POU2F1: variants seen among roughly 807,000 people sequenced by gnomAD.
The protein encoded by POU2F1 is POU class 2 homeobox 1, also known as POU domain, class 2, transcription factor 1.
In POU2F1, 16 loss-of-function variants were observed where a neutral mutation model predicts 84.9. The ratio of observed to expected loss-of-function variants is 0.19; its 90% CI spans 0.13 to 0.29. The LOEUF is 0.29. POU2F1 is among the 10% of genes least tolerant of loss of function. The pLI is 1.00. For synonymous variants in POU2F1, 368 were observed against 368.3 expected, an observed-to-expected ratio of 1.00 and a Z score of 0.01; for missense variants, 738 against 942.6, an observed-to-expected ratio of 0.78 and a Z score of 2.84.
At chr1:167,240,896 A>C (rs1649849912) in intron 1 of POU2F1, among the ~76,000 whole-genome samples, 1 of 152,124 alleles carries the variant, frequency 6.6e-6, no homozygotes, top group Non-Finnish European at 1.5e-5. Context: ...TAATCCCAGC[A>C]CATTGGGAGG....
intron 13 of POU2F1, among the ~76,000 whole-genome samples, chr1:167,407,399 T>G (rs913155942): frequency 9.9e-5 from 15 of 152,176 alleles, no homozygotes; most frequent in African/African-American, 3.4e-4. Context: ...TTGTTTTGTT[T>G]TAAAGAAATC....
At chr1:167,365,830 A>C (rs986373795) in intron 3 of POU2F1, among the ~76,000 whole-genome samples, 3 of 152,206 alleles carry the variant, frequency 2.0e-5, no homozygotes, top group Non-Finnish European at 4.4e-5. Flanking sequence ...TATTGTTTTT[A>C]TAAGTGGGTA....
rs187210322 is a variant in POU2F1, at chr1:167,323,057, A to G, written c.62-9413A>G. On this transcript the variant is annotated intron_variant, in intron 1 of 15. Coordinates refer to ENST00000367866, the MANE Select transcript of POU2F1 (RefSeq NM_002697.4). ...ATTTTGGGGGCCTGTCTATGGCCAG[A>G]TTTGGGGGCCTATCCTCAACACGTT... Among the ~76,000 whole-genome samples the G allele has an allele frequency of 3.9e-4, 59 of 152,304 alleles. 1 individual carries two copies. In the East Asian group the frequency reaches 0.011, roughly 29 times the overall value.
rs1161464113 is a variant in POU2F1 at position 167,399,329 on chromosome 1, A to C, written c.1413A>C (p.Ser471=). 1.2e-6 allele frequency: 2 copies of C among 1,613,828 alleles called. No individual in the cohort carries two copies. Among genetic ancestry groups the C allele is most frequent in the Non-Finnish European group, 1.7e-6 (2 of 1,179,882 alleles). Residue 471 remains serine (S), a synonymous_variant, in exon 12 of 16, where the codon TCA becomes TCC. Coordinates refer to ENST00000367866, the MANE Select transcript of POU2F1 (RefSeq NM_002697.4). ...NPPSSGGTSS[S]PIKAIFPSPT... is the part of the protein sequence containing the mutation. ...CAAGCAGTGGTGGGACCAGCAGCTC[A>C]CCTATTAAAGCAATTTTCCCCAGCC...
intron 7 of POU2F1, among the ~76,000 whole-genome samples, chr1:167,383,041 T>C (rs1243969938): frequency 6.6e-6 from 1 of 152,176 alleles, no homozygotes; most frequent in African/African-American, 2.4e-5. Context: ...CAAAAGAAAA[T>C]GGTAAAATCC....
chr1:167,262,959 G>A (rs1271441376), intron 1 of POU2F1, among the ~76,000 whole-genome samples: 1 of 152,178 alleles, frequency 6.6e-6, no homozygotes, highest in African/African-American at 2.4e-5. Flanking sequence ...AGGCTAAGGT[G>A]TTTGGACTTA....
intron 8 of POU2F1, among the ~76,000 whole-genome samples, chr1:167,386,471 C>T (rs1274156342): frequency 6.6e-6 from 1 of 152,178 alleles, no homozygotes; most frequent in African/African-American, 2.4e-5. Context: ...CAGGCGTGAG[C>T]CACCGCACCA....
chr1:167,325,887 CAAA>C (rs1184183063), intron 1 of POU2F1, among the ~76,000 whole-genome samples: 1 of 99,508 alleles, frequency 1.0e-5, no homozygotes, highest in Admixed American at 1.1e-4. Flanking sequence ...AACTCCATCT[CAAA>C]AAAAAAAAAA....
chr1:167,398,165 G>A, intron 11 of POU2F1, 32 bp downstream of exon 11: 1 of 1,609,526 alleles, frequency 6.2e-7, no homozygotes, highest in Non-Finnish European at 8.5e-7. Context: ...CTGTACATGG[G>A]ATTGTCTGTG....
At chr1:167,255,188 G>A (rs1414716684) in intron 1 of POU2F1, among the ~76,000 whole-genome samples, 2 of 152,198 alleles carry the variant, frequency 1.3e-5, no homozygotes, top group East Asian at 1.9e-4. Flanking sequence ...ATAGGTAAAT[G>A]CAGTAAAGTT....
chr1:167,358,040 G>A (rs546003313), intron 2 of POU2F1, among the ~76,000 whole-genome samples: 1 of 151,074 alleles, frequency 6.6e-6, no homozygotes, highest in East Asian at 1.9e-4. Context: ...TTGACCTCGT[G>A]ATCTGCCTGT....
rs1482869211 is a variant in POU2F1 at position 167,273,057 on chromosome 1, CAG to C, written c.61+52100_61+52101del. On this transcript the variant is annotated intron_variant, in intron 1 of 15. Coordinates refer to ENST00000367866, the MANE Select transcript of POU2F1 (RefSeq NM_002697.4). ...CAAAAGGGAGAAATCAACCAAAAGACAGGGGCTACAGGCCCTGTGCAAGTCCG... is the reference window on the plus strand; with the variant it reads ...CAAAAGGGAGAAATCAACCAAAAGACGGGCTACAGGCCCTGTGCAAGTCCG... Among the ~76,000 whole-genome samples, 4 of 152,136 alleles carry C rather than the reference CAG, an allele frequency of 2.6e-5. 1 individual carries two copies. Among genetic ancestry groups the C allele is most frequent in the South Asian group, 4.1e-4 (2 of 4,832 alleles).
At position 167,398,001 on chromosome 1, in the gene POU2F1, C is replaced by T. The variant is rs1425604447; in HGVS notation, c.1137C>T (p.Leu379=). Residue 379 remains leucine, a synonymous_variant, in exon 11 of 16, where the codon CTC becomes CTT. Transcript: ENST00000367866. ...TTTTCTTCATTCTTACAGAGAACCT[C>T]TCATCTGATTCGTCCCTCTCCAGCC... ...LEKWLNDAEN[L]SSDSSLSSPS... is the part of the protein sequence containing the mutation. 1.9e-6 allele frequency: 3 copies of T among 1,612,164 alleles called. No homozygotes were observed. Among genetic ancestry groups the T allele is most frequent in the Non-Finnish European group, 2.5e-6 (3 of 1,179,218 alleles).
chr1:167,251,514 G>A (rs551432850), intron 1 of POU2F1, among the ~76,000 whole-genome samples: 1 of 152,294 alleles, frequency 6.6e-6, no homozygotes, highest in East Asian at 1.9e-4. Context: ...AGAGTATGGA[G>A]GGAAATATAC....
At chr1:167,221,626 C>T (rs1423663872) in intron 1 of POU2F1, among the ~76,000 whole-genome samples, 12 of 150,776 alleles carry the variant, frequency 8.0e-5, no homozygotes, top group Non-Finnish European at 1.3e-4. Context: ...GGAGAGCTCC[C>T]TGCCCGCGCC....
chr1:167,348,180 T>C (rs554549984), intron 2 of POU2F1, among the ~76,000 whole-genome samples: 1 of 152,338 alleles, frequency 6.6e-6, no homozygotes, highest in East Asian at 1.9e-4. Flanking sequence ...CTGTTTCTCC[T>C]AGGCTACAAA....
chr1:167,386,477 C>T (rs373372235), intron 8 of POU2F1, among the ~76,000 whole-genome samples: 1 of 152,344 alleles, frequency 6.6e-6, no homozygotes, highest in East Asian at 1.9e-4. Flanking sequence ...TGAGCCACCG[C>T]ACCAGGCTGG....
At chr1:167,373,714 A>T (rs923103911) in intron 5 of POU2F1, among the ~76,000 whole-genome samples, 2 of 152,220 alleles carry the variant, frequency 1.3e-5, no homozygotes, top group African/African-American at 4.8e-5. Flanking sequence ...GGGCCTTATC[A>T]GTTCTTTCCT....
intron 1 of POU2F1, among the ~76,000 whole-genome samples, chr1:167,226,115 TC>T (rs1648613467): frequency 6.6e-6 from 1 of 152,230 alleles, no homozygotes; most frequent in Admixed American, 6.5e-5. Flanking sequence ...TTATCCATGT[TC>T]TTGTTTCTGA....
Sources: gnomAD v4.1 joint callset for allele counts (sites outside exome capture counted in the v4.1 genomes callset) on GRCh38, gnomAD v4.1.1 for gene constraint, MANE v1.5 for transcripts, NCBI Gene and HGNC (gene_info 2026-07-23, HGNC 2026-07-21) for gene names.